Variants in SGCZ observed in about 807,000 individuals in gnomAD.
The protein encoded by SGCZ is sarcoglycan zeta.
SGCZ carries 40 observed loss-of-function variants against 41.3 expected under a neutral mutation model. The observed-to-expected ratio is 0.97, with a 90% CI of 0.75 to 1.26. SGCZ has a LOEUF of 1.26. Ranked by LOEUF, SGCZ falls within the 50% of genes most tolerant of loss-of-function variation. The pLI is 0.00. For synonymous variants in SGCZ, 206 were observed against 137.5 expected (o/e 1.50, Z -3.49); for missense variants, 552 against 369.8 (o/e 1.49, Z -4.04).
At chr8:15,074,323 C>T (rs545082735) in intron 1 of SGCZ, among the ~76,000 whole-genome samples, 23 of 152,300 alleles carry the variant, frequency 1.5e-4, no homozygotes, top group African/African-American at 4.8e-4. Flanking sequence ...AACACCTTGT[C>T]TCTCAAATTA....
intron 1 of SGCZ, among the ~76,000 whole-genome samples, chr8:14,686,003 G>A (rs1281091984): frequency 6.6e-6 from 1 of 152,020 alleles, no homozygotes; most frequent in Non-Finnish European, 1.5e-5. Context: ...GGAAAATTAA[G>A]GAAGCCCATA....
At chr8:14,411,274 G>C (rs949116494) in intron 2 of SGCZ, among the ~76,000 whole-genome samples, 3 of 151,968 alleles carry the variant, frequency 2.0e-5, no homozygotes, top group Non-Finnish European at 4.4e-5. Flanking sequence ...TTCTATTTGT[G>C]CTCTTAACAA....
chr8:14,489,244 T>C (rs1344271049), intron 2 of SGCZ, among the ~76,000 whole-genome samples: 1 of 152,124 alleles, frequency 6.6e-6, no homozygotes, highest in Non-Finnish European at 1.5e-5. Flanking sequence ...CAACGATTTG[T>C]AAAAATTAAA....
intron 2 of SGCZ, among the ~76,000 whole-genome samples, chr8:14,494,920 C>T (rs921079737): frequency 2.6e-5 from 4 of 152,278 alleles, no homozygotes; most frequent in African/African-American, 9.6e-5. Flanking sequence ...ATTATCCTTG[C>T]TGCCCTAAAT....
chr8:15,012,419 C>G (rs779804987), intron 1 of SGCZ, among the ~76,000 whole-genome samples: 5 of 149,318 alleles, frequency 3.3e-5, no homozygotes, highest in Admixed American at 6.8e-5. Flanking sequence ...GCTATGATCA[C>G]CTCACTGCAC....
At chr8:14,795,598 T>C (rs1801096542) in intron 1 of SGCZ, among the ~76,000 whole-genome samples, 1 of 152,160 alleles carries the variant, frequency 6.6e-6, no homozygotes, top group Admixed American at 6.6e-5. Context: ...CACATCCTGC[T>C]ATTTTTTGCG....
chr8:14,680,348 C>T (rs530139777), intron 1 of SGCZ, among the ~76,000 whole-genome samples: 2 of 152,092 alleles, frequency 1.3e-5, no homozygotes, highest in South Asian at 2.1e-4. Context: ...GTAAACTTTC[C>T]GTATTAGTGA....
At chr8:14,939,666 T>A (rs2130818239) in intron 1 of SGCZ, among the ~76,000 whole-genome samples, 1 of 152,282 alleles carries the variant, frequency 6.6e-6, no homozygotes, top group African/African-American at 2.4e-5. Context: ...ATGTAAATAT[T>A]CATTTTGTAC....
At chr8:14,169,417 A>C (rs1322542605) in intron 4 of SGCZ, among the ~76,000 whole-genome samples, 1 of 152,114 alleles carries the variant, frequency 6.6e-6, no homozygotes, top group Non-Finnish European at 1.5e-5. Context: ...TTATCTCGTC[A>C]GTATTACCAG....
intron 3 of SGCZ, among the ~76,000 whole-genome samples, chr8:14,280,019 G>A (rs114417718): frequency 6.6e-6 from 1 of 151,806 alleles, no homozygotes; most frequent in Non-Finnish European, 1.5e-5. Flanking sequence ...CCATCTTTTT[G>A]AATGGTAGGA....
chr8:14,529,765 T>C (rs1374986677), intron 2 of SGCZ, among the ~76,000 whole-genome samples: 1 of 152,082 alleles, frequency 6.6e-6, no homozygotes, highest in East Asian at 1.9e-4. Flanking sequence ...TTAAAATGCT[T>C]CTCTGGAGTC....
chr8:15,169,686 T>G (rs146201442), intron 1 of SGCZ, among the ~76,000 whole-genome samples: 80 of 152,306 alleles, frequency 5.3e-4, no homozygotes, highest in African/African-American at 1.9e-3. Flanking sequence ...GGGCTTTCTT[T>G]CCAGGTTGCA....
intron 1 of SGCZ, among the ~76,000 whole-genome samples, chr8:14,641,745 T>A (rs1279152838): frequency 6.6e-6 from 1 of 151,642 alleles, no homozygotes; most frequent in Non-Finnish European, 1.5e-5. Flanking sequence ...ATGACATAAA[T>A]TATAAACCCA....
intron 3 of SGCZ, among the ~76,000 whole-genome samples, chr8:14,276,628 A>G (rs10091806): frequency 0.22 from 32,870 of 151,994 alleles, 3,745 homozygotes; most frequent in East Asian, 0.3. Context: ...TGTTCTAAAA[A>G]ATCCTGAACT....
At chr8:14,391,197 T>C (rs1209874572) in intron 2 of SGCZ, among the ~76,000 whole-genome samples, 2 of 152,140 alleles carry the variant, frequency 1.3e-5, no homozygotes, top group African/African-American at 4.8e-5. Context: ...AAAGTAAGAC[T>C]GGCCAAACAA....
chr8:14,684,365 A>G (rs1007258569), intron 1 of SGCZ, among the ~76,000 whole-genome samples: 2 of 152,172 alleles, frequency 1.3e-5, no homozygotes, highest in Admixed American at 6.5e-5. Context: ...ATGGCAACGT[A>G]TTTATGTACA....
rs377216201 is a variant in SGCZ, at chr8:14,685,009, A to G, written c.40-130083T>C. 1.5e-3 allele frequency among the ~76,000 whole-genome samples: 224 copies of G among 152,310 alleles called. 2 individuals carry two copies. The South Asian group carries it at 0.02, about 14-fold the overall frequency. On this transcript the variant is annotated intron_variant, in intron 1 of 7. Coordinates refer to ENST00000382080, the MANE Select transcript of SGCZ (RefSeq NM_139167.4). ...ATATTGGCATGTATAATAAATTATT[A>G]ATTAGAATTGTCAAAAACCATTAAT...
chr8:14,743,810 T>C (rs535430795), intron 1 of SGCZ, among the ~76,000 whole-genome samples: 1 of 152,074 alleles, frequency 6.6e-6, no homozygotes. Flanking sequence ...AATTCAAAAT[T>C]ATCATGCTCA....
intron 1 of SGCZ, among the ~76,000 whole-genome samples, chr8:15,025,444 C>T (rs1239996131): frequency 2.0e-5 from 3 of 152,176 alleles, no homozygotes; most frequent in Admixed American, 6.5e-5. Context: ...ACCTTTCTGC[C>T]TCAGGCAGAT....
Sources: allele counts gnomAD v4.1 joint callset (sites outside exome capture counted in the v4.1 genomes callset), GRCh38; gene constraint gnomAD v4.1.1; transcripts MANE v1.5; gene names NCBI Gene and HGNC (gene_info 2026-07-23, HGNC 2026-07-21).